Variants in PDPR observed in about 807,000 individuals in gnomAD.
PDPR encodes pyruvate dehydrogenase phosphatase regulatory subunit, mitochondrial.
In PDPR, 50 loss-of-function variants were observed where a neutral mutation model predicts 102.2. That is an observed-to-expected ratio of 0.49 (90% confidence interval 0.39 to 0.62). The LOEUF is 0.62. Ranked by LOEUF, PDPR falls within the 20% of genes least tolerant of loss-of-function variation. The pLI, the probability that PDPR is intolerant of heterozygous loss-of-function variation, is 0.00. For missense variants in PDPR, 625 were observed against 1,098.2 expected (o/e 0.57, Z 6.09); for synonymous variants, 259 against 406.0 (o/e 0.64, Z 4.35).
intron 4 of PDPR, among the ~76,000 whole-genome samples, chr16:70,128,074 G>T (rs1374450499): frequency 4.6e-5 from 7 of 152,400 alleles, no homozygotes; most frequent in African/African-American, 1.4e-4. Context: ...TACTGGGGAA[G>T]AAGAAGGGAG....
chr16:70,115,606 A>T (rs1028318888), intron 2 of PDPR, among the ~76,000 whole-genome samples: 1 of 152,184 alleles, frequency 6.6e-6, no homozygotes, highest in Non-Finnish European at 1.5e-5. Flanking sequence ...ACCCACGCTC[A>T]TCCAGTCTTC....
At chr16:70,153,674 G>T (rs1157806645) in intron 18 of PDPR, 101 bp downstream of exon 18, 1 of 1,272,574 alleles carries the variant, frequency 7.9e-7, no homozygotes. Context: ...AGGGGGAAAA[G>T]ATTGAGGCCT....
chr16:70,141,685 C>T (rs1290142044), intron 11 of PDPR, among the ~76,000 whole-genome samples: 12 of 152,416 alleles, frequency 7.9e-5, no homozygotes, highest in Admixed American at 6.5e-4. Context: ...AATGTGAATA[C>T]AGGCCGAGTC....
rs56353884 is a variant in PDPR at position 70,161,281 on chromosome 16, C to CAAA, written c.*4419_*4421dup. ...GGGTAACAGAGTGAGACTCTTGTCTCAAAAAAAAAAAAAAAAAAATCTAAG... is the reference window on the plus strand; with the variant it reads ...GGGTAACAGAGTGAGACTCTTGTCTCAAAAAAAAAAAAAAAAAAAAAATCTAAG... On this transcript the variant is annotated 3_prime_UTR_variant, in exon 19 of 19. Coordinates refer to ENST00000288050, the MANE Select transcript of PDPR (RefSeq NM_017990.5). 676 of 130,752 alleles carry CAAA rather than the reference C, an allele frequency of 5.2e-3. 1 individual carries two copies. The highest frequency in any genetic ancestry group is 8.4e-3 in the African/African-American group (290 of 34,534). The allele number at this position is 130,752 out of a possible 1,614,324, so 8.1% of individuals were successfully genotyped here.
At chr16:70,150,665 C>T (rs1278821226) in intron 17 of PDPR, among the ~76,000 whole-genome samples, 5 of 151,790 alleles carry the variant, frequency 3.3e-5, no homozygotes, top group South Asian at 4.2e-4. Flanking sequence ...GTGCCAACAT[C>T]CCCAGCTAAT....
chr16:70,114,767 C>CTT (rs1962470585), intron 1 of PDPR, 54 bp from the exon 2 acceptor site: 1 of 152,360 alleles, frequency 6.6e-6, no homozygotes, highest in Admixed American at 6.5e-5. Context: ...CTTGCACACC[C>CTT]CTGCGGCGCA....
At chr16:70,139,146 A>G in intron 11 of PDPR, 123 bp downstream of exon 11, 1 of 1,497,134 alleles carries the variant, frequency 6.7e-7, no homozygotes, top group Admixed American at 2.1e-5. Context: ...TGGGCATTTG[A>G]TTTGACTGTT....
chr16:70,151,858 G>A (rs1333013042), intron 17 of PDPR, among the ~76,000 whole-genome samples: 1 of 152,190 alleles, frequency 6.6e-6, no homozygotes, highest in East Asian at 1.9e-4. Context: ...TTCTCGTTTT[G>A]TTCACACTAA....
Position 70,157,535 on chromosome 16 carries a change from C to A in PDPR, c.*656C>A. The A allele has an allele frequency of 5.2e-6, 1 of 191,372 alleles. No homozygotes were observed. The highest frequency in any genetic ancestry group is 1.1e-5 in the Non-Finnish European group (1 of 92,948). 11.9% of individuals were successfully genotyped at this position (191,372 alleles called of 1,614,324 possible). On this transcript the variant is annotated 3_prime_UTR_variant, in exon 19 of 19. Transcript: ENST00000288050. ...TCATCCTCCCTGCAGAAGCCATTAG[C>A]AGACCTTTGGGCCAGGGCAGCCTCC...
At chr16:70,117,252 T>C (rs868537812) in intron 2 of PDPR, among the ~76,000 whole-genome samples, 1 of 104,730 alleles carries the variant, frequency 9.5e-6, no homozygotes, top group African/African-American at 3.5e-5. Context: ...CAGTGGCTCA[T>C]GCCTGTAATC....
chr16:70,114,916 A>G lies in PDPR; in HGVS notation c.-47A>G, dbSNP rs138938510. 2 of 152,310 alleles carry G rather than the reference A, an allele frequency of 1.3e-5. No homozygotes were observed. Among genetic ancestry groups the G allele is most frequent in the Admixed American group, 6.5e-5 (1 of 15,282 alleles). The allele number at this position is 152,310 out of a possible 1,614,324, so 9.4% of individuals were successfully genotyped here. A position where few individuals can be genotyped will look rare whatever the true frequency, so the allele number is the denominator to read the frequency against. The stretch of plus-strand genomic sequence containing the variant: ...CCGGAGGAAGAAGTCACCTAGAAAA[A>G]TCTGGGACAGGGCAGTAAGCTTCCT... On this transcript the variant is annotated 5_prime_UTR_variant, in exon 2 of 19. Coordinates refer to ENST00000288050, the MANE Select transcript of PDPR (RefSeq NM_017990.5).
Position 70,156,975 on chromosome 16 carries a change from G to A in PDPR, c.*96G>A, listed in dbSNP as rs1967288051. 9 of 1,505,036 alleles carry A rather than the reference G, an allele frequency of 6.0e-6. No individual in the cohort carries two copies. Among genetic ancestry groups the A allele is most frequent in the Non-Finnish European group, 9.1e-7 (1 of 1,104,054 alleles). The allele number at this position is 1,505,036 out of a possible 1,614,324, so 93.2% of individuals were successfully genotyped here. A position where few individuals can be genotyped will look rare whatever the true frequency, so the allele number is the denominator to read the frequency against. On this transcript the variant is annotated 3_prime_UTR_variant, in exon 19 of 19. Transcript: ENST00000288050. ...TCCTTCCGCCTCTGTTCCTCTTCTG[G>A]AGCCTTTGCCTCCCATCTCTTATCT...
rs1966849790 is a variant in PDPR, at chr16:70,153,481, A to G, written c.2143A>G (p.Ile715Val). 1 of 1,613,546 alleles carries G rather than the reference A, an allele frequency of 6.2e-7. No individual in the cohort carries two copies. The highest frequency in any genetic ancestry group is 8.5e-7 in the Non-Finnish European group (1 of 1,179,750). ...GTATTACGCTCTTCGCAGTCTCCGA[A>G]TTGAGAAGTTTTTTGCCTTCTGGGG... The part of the protein sequence containing the change: ...AGYYALRSLR[I>V]EKFFAFWGQD... The change falls in exon 18 of 19, where the codon ATT becomes GTT. Residue 715 changes from isoleucine to valine, a missense_variant. Physicochemically the swap from Ile to Val is conservative, Grantham distance 29 (BLOSUM62 3). Coordinates refer to ENST00000288050, the MANE Select transcript of PDPR (RefSeq NM_017990.5).
At chr16:70,118,491 G>A (rs1962884660) in intron 2 of PDPR, among the ~76,000 whole-genome samples, 1 of 152,276 alleles carries the variant, frequency 6.6e-6, no homozygotes, top group African/African-American at 2.4e-5. Flanking sequence ...AGTGGTCACG[G>A]GTCAGAAGCC....
chr16:70,142,005 C>G (rs1461554339), intron 11 of PDPR, among the ~76,000 whole-genome samples: 5 of 152,226 alleles, frequency 3.3e-5, no homozygotes, highest in African/African-American at 1.2e-4. Flanking sequence ...GAGGCTGAGG[C>G]AGGAGAATCG....
At chr16:70,145,554 C>T (rs947124715) in intron 15 of PDPR, among the ~76,000 whole-genome samples, 5 of 152,248 alleles carry the variant, frequency 3.3e-5, no homozygotes, top group Non-Finnish European at 5.9e-5. Flanking sequence ...GCCCCACCAG[C>T]GTTTGCTCTC....
intron 9 of PDPR, among the ~76,000 whole-genome samples, chr16:70,133,527 C>T (rs1964774918): frequency 1.3e-5 from 2 of 151,080 alleles, no homozygotes; most frequent in African/African-American, 4.9e-5. Flanking sequence ...AAGTGATTCT[C>T]ATGCCTCAGC....
chr16:70,131,044 G>A (rs1017380921), intron 7 of PDPR, among the ~76,000 whole-genome samples: 10 of 152,230 alleles, frequency 6.6e-5, no homozygotes, highest in African/African-American at 2.4e-4. Context: ...TTATCAAAAG[G>A]ACCTCCTTTG....
At chr16:70,115,741 G>A (rs1388287665) in intron 2 of PDPR, among the ~76,000 whole-genome samples, 1 of 152,046 alleles carries the variant, frequency 6.6e-6, no homozygotes, top group Non-Finnish European at 1.5e-5. Flanking sequence ...CAGTCTTATG[G>A]TTGTTTAGCA....
Sources: gnomAD v4.1 joint callset for allele counts (sites outside exome capture counted in the v4.1 genomes callset) on GRCh38, gnomAD v4.1.1 for gene constraint, MANE v1.5 for transcripts, NCBI Gene and HGNC (gene_info 2026-07-23, HGNC 2026-07-21) for gene names.